The following HAMP variants were observed in gnomAD, a reference collection of about 807,000 sequenced individuals.
HAMP encodes hepcidin antimicrobial peptide, also known as hepcidin.
HAMP carries 5 observed loss-of-function variants against 7.8 expected under a neutral mutation model. The ratio of observed to expected loss-of-function variants is 0.64; its 90% confidence interval spans 0.33 to 1.34. The LOEUF is 1.34. Among genes scored for constraint, HAMP ranks in the 40% most tolerant of loss-of-function variants. HAMP has a pLI of 0.05. For missense variants in HAMP, 105 were observed against 104.1 expected (o/e 1.01, Z -0.04); for synonymous variants, 52 against 38.6 (o/e 1.35, Z -1.28).
intron 1 of HAMP, chr19:35,282,899 AC>A: frequency 2.0e-6 from 1 of 511,844 alleles, no homozygotes; most frequent in East Asian, 3.6e-5. Flanking sequence ...AGCCTGGCCA[AC>A]ATGGTAAAAC....
In HAMP at chr19:35,285,042, G is replaced by A. The variant is rs375495615; in HGVS notation, c.255G>A (p.Ter85=). The change falls in exon 3 of 3, where the codon TAG becomes TAA. Residue 85 remains the stop codon, a stop_retained_variant. Coordinates refer to ENST00000222304, the MANE Select transcript of HAMP (RefSeq NM_021175.4). ...AGTGTGGGATGTGCTGCAAGACGTA[G>A]AACCTACCTGCCCTGCCCCCGTCCC... ...RSKCGMCCKT[*] The A allele has an allele frequency of 3.6e-5, 58 of 1,592,282 alleles. No homozygotes were observed. The highest frequency in any genetic ancestry group is 5.0e-5 in the Non-Finnish European group (58 of 1,160,108).
chr19:35,283,159 A>C (rs1043907530), intron 1 of HAMP: 1 of 226,908 alleles, frequency 4.4e-6, no homozygotes, highest in Non-Finnish European at 8.9e-6. Flanking sequence ...GTATTTACGG[A>C]ACCCCTACGC....
At chr19:35,282,797 C>T (rs1446872510) in intron 1 of HAMP, 130 bp downstream of exon 1, 3 of 778,982 alleles carry the variant, frequency 3.9e-6, no homozygotes, top group African/African-American at 3.4e-5. Context: ...GGCAGCTGAA[C>T]AGGAACCAGG....
chr19:35,282,623 C>T lies in HAMP; in HGVS notation c.46C>T (p.Leu16Phe). The T allele has an allele frequency of 6.2e-7, 1 of 1,614,142 alleles. No homozygotes were observed. The highest frequency in any genetic ancestry group is 8.5e-7 in the Non-Finnish European group (1 of 1,179,998). ...QIWAACLLLLLLLASLTSGSV... is the reference protein window; with the variant it reads ...QIWAACLLLLFLLASLTSGSV... ...CTGGGCCGCTTGCCTCCTGCTCCTC[C>T]TCCTCCTCGCCAGCCTGACCAGTGG... The change falls in exon 1 of 3, where the codon CTC becomes TTC. Residue 16 changes from leucine to phenylalanine, a missense_variant. Coordinates refer to ENST00000222304, the MANE Select transcript of HAMP (RefSeq NM_021175.4).
chr19:35,284,850 TG>T lies in HAMP; in HGVS notation c.150+3del, dbSNP rs368503520. On this transcript the variant is annotated splice_donor_region_variant and intron_variant, in intron 2 of 2. Transcript: ENST00000222304. ...GCTGGAGCCAGGGCCAGCTGGATGG[TG>T]AGCGCAACAGTGATGCCTTTCCTAG... 6 of 1,613,322 alleles carry T rather than the reference TG, an allele frequency of 3.7e-6. No individual in the cohort carries two copies. Among genetic ancestry groups the T allele is most frequent in the Admixed American group, 1.7e-5 (1 of 60,018 alleles).
intron 1 of HAMP, chr19:35,283,055 C>G (rs966087391): frequency 3.3e-5 from 10 of 301,576 alleles, no homozygotes; most frequent in African/African-American, 1.9e-4. Context: ...CCACTGCACT[C>G]CAGCCTGGCA....
Position 35,283,166 on chromosome 19 carries a change from A to G in HAMP, c.90+499A>G, listed in dbSNP as rs142015183. On this transcript the variant is annotated intron_variant, in intron 1 of 2. Transcript: ENST00000222304. ...TTCCATGGGTATTTACGGAACCCCTACGCCGTGTGGAGTCTTATTCTAGAC... is the reference window on the plus strand; with the variant it reads ...TTCCATGGGTATTTACGGAACCCCTGCGCCGTGTGGAGTCTTATTCTAGAC... 5.2e-4 allele frequency: 111 copies of G among 215,442 alleles called. 1 individual carries two copies. Among genetic ancestry groups the G allele is most frequent in the African/African-American group, 2.4e-3 (105 of 44,156 alleles). 13.3% of individuals were successfully genotyped at this position (215,442 alleles called of 1,614,324 possible).
At chr19:35,284,626 C>A (rs2066317701) in intron 1 of HAMP, 163 bp from the exon 2 acceptor site, 4 of 615,302 alleles carry the variant, frequency 6.5e-6, no homozygotes, top group Non-Finnish European at 1.2e-5. Flanking sequence ...TTAGGAAAAG[C>A]CGCCCATGGG....
In HAMP at chr19:35,285,142, A is replaced by C. The variant is rs1288192336; in HGVS notation, c.*100A>C. 2.5e-6 allele frequency: 2 copies of C among 813,434 alleles called. No individual in the cohort carries two copies. The highest frequency in any genetic ancestry group is 4.3e-6 in the Non-Finnish European group (2 of 463,016). The allele number at this position is 813,434 out of a possible 1,614,324, so 50.4% of individuals were successfully genotyped here. A position where few individuals can be genotyped will look rare whatever the true frequency, so the allele number is the denominator to read the frequency against. On this transcript the variant is annotated 3_prime_UTR_variant, in exon 3 of 3. Transcript: ENST00000222304. ...AAATGGCTGGTTCTTTTGTTTTCCA[A>C]ACCAGAGTGTCTGTTGTCCTTTCTC...
intron 2 of HAMP, 40 bp downstream of exon 2, chr19:35,284,888 C>A: frequency 2.5e-6 from 4 of 1,605,806 alleles, no homozygotes; most frequent in Non-Finnish European, 3.4e-6. Flanking sequence ...CCCCTGCTCC[C>A]TCCCCATGCT....
Position 35,282,837 on chromosome 19 carries a change from C to T in HAMP, c.90+170C>T, listed in dbSNP as rs1599639824. ...GCACGGTGGCTCATGCCTGTAATCC[C>T]AGCACTTTGGGAGGTTGAGGCAGGC... is the stretch of plus-strand genomic sequence containing the variant. On this transcript the variant is annotated intron_variant, in intron 1 of 2. Coordinates refer to ENST00000222304, the MANE Select transcript of HAMP (RefSeq NM_021175.4). 7 of 642,694 alleles carry T rather than the reference C, an allele frequency of 1.1e-5. No individual in the cohort carries two copies. In the East Asian group the frequency reaches 2.0e-4, roughly 18 times the overall value. The allele number at this position is 642,694 out of a possible 1,614,324, so 39.8% of individuals were successfully genotyped here. A position where few individuals can be genotyped will look rare whatever the true frequency, so the allele number is the denominator to read the frequency against.
intron 1 of HAMP, 156 bp downstream of exon 1, chr19:35,282,823 C>A: frequency 2.9e-6 from 2 of 683,102 alleles, no homozygotes; most frequent in East Asian, 2.8e-5. Flanking sequence ...CACGGTGGCT[C>A]ATGCCTGTAA....
Position 35,285,094 on chromosome 19 carries a change from C to T in HAMP, c.*52C>T, listed in dbSNP as rs373589921. On this transcript the variant is annotated 3_prime_UTR_variant, in exon 3 of 3. Transcript: ENST00000222304. ...TCCCTTCCTTATTTATTCCTGCTGC[C>T]CCAGAACATAGGTCTTGGAATAAAA... is the stretch of plus-strand genomic sequence containing the variant. 1.8e-6 allele frequency: 2 copies of T among 1,138,180 alleles called. No individual in the cohort carries two copies. The highest frequency in any genetic ancestry group is 3.0e-5 in the African/African-American group (2 of 65,638). 70.5% of individuals were successfully genotyped at this position (1,138,180 alleles called of 1,614,324 possible).
rs778686147 is a variant in HAMP at position 35,282,692 on chromosome 19, T to C, written c.90+25T>C. The C allele has an allele frequency of 2.9e-5, 45 of 1,564,510 alleles. No homozygotes were observed. In the African/African-American group the frequency reaches 5.5e-4, roughly 19 times the overall value. On this transcript the variant is annotated intron_variant, in intron 1 of 2. Coordinates refer to ENST00000222304, the MANE Select transcript of HAMP (RefSeq NM_021175.4). Reference sequence around the variant, plus strand: ...GGTGAGAGCCCAGTGGCCTGGGTCCTTAGCAGGGCAGCAGGGATGGGAGAG... The same window carrying C: ...GGTGAGAGCCCAGTGGCCTGGGTCCCTAGCAGGGCAGCAGGGATGGGAGAG...
intron 1 of HAMP, chr19:35,284,443 TA>T: frequency 2.4e-6 from 1 of 411,788 alleles, no homozygotes; most frequent in Non-Finnish European, 4.5e-6. Flanking sequence ...AGACTCTGTC[TA>T]AAAAACAAAC....
chr19:35,284,316 G>A (rs2066316351), intron 1 of HAMP: 2 of 193,330 alleles, frequency 1.0e-5, no homozygotes, highest in South Asian at 2.0e-4. Flanking sequence ...GTGGTGGCGT[G>A]CACCTGCTGT....
At chr19:35,284,873 C>T in intron 2 of HAMP, 25 bp downstream of exon 2, 1 of 1,609,762 alleles carries the variant, frequency 6.2e-7, no homozygotes, top group Non-Finnish European at 8.5e-7. Flanking sequence ...GATGCCTTTC[C>T]TAGCCCCCTG....
intron 2 of HAMP, 33 bp from the exon 3 acceptor site, chr19:35,284,905 G>A (rs752949264): frequency 1.5e-5 from 24 of 1,605,778 alleles, no homozygotes; most frequent in South Asian, 5.5e-5. Flanking sequence ...TGCTAAGGCC[G>A]GTTCCCTGCT....
intron 1 of HAMP, chr19:35,283,051 C>T (rs1302013019): frequency 3.2e-6 from 1 of 308,964 alleles, no homozygotes; most frequent in Admixed American, 4.2e-5. Context: ...TGCACCACTG[C>T]ACTCCAGCCT....
Sources: allele counts gnomAD v4.1 joint callset, GRCh38; gene constraint gnomAD v4.1.1; transcripts MANE v1.5; gene names NCBI Gene and HGNC (gene_info 2026-07-23, HGNC 2026-07-21).